HDX: variants seen among roughly 807,000 people sequenced by gnomAD.
The protein encoded by HDX is highly divergent homeobox.
A neutral mutation model predicts 45.2 loss-of-function variants in HDX; 19 were observed. That is an observed-to-expected ratio of 0.42 (90% CI 0.29 to 0.62). The LOEUF is 0.62. Ranked by LOEUF, HDX falls within the 20% of genes least tolerant of loss-of-function variation. The probability of loss-of-function intolerance (pLI) is 0.20; values close to 1 mark genes in which losing one functional copy is unlikely to be tolerated. For synonymous variants in HDX, 188 were observed against 172.8 expected, an observed-to-expected ratio of 1.09 and a Z score of -0.69; for missense variants, 532 against 493.9, an observed-to-expected ratio of 1.08 and a Z score of -0.73.
At chrX:84,498,019 A>G (rs2041043017) in intron 1 of HDX, among the ~76,000 whole-genome samples, 1 of 111,732 alleles carries the variant, frequency 8.9e-6, no homozygotes, top group South Asian at 3.7e-4. Context: ...CTCCAAGGGA[A>G]AAGAAGCTAA....
At chrX:84,475,177 A>T (rs1180600859) in intron 3 of HDX, 74 bp downstream of exon 3, 1 of 893,188 alleles carries the variant, frequency 1.1e-6, no homozygotes, top group Non-Finnish European at 1.6e-6. Context: ...TACCCTGAAT[A>T]TTTTTTCTCA....
chrX:84,468,953 G>A lies in HDX; in HGVS notation c.770C>T (p.Thr257Ile), dbSNP rs777924646. ...CACTTCACGGATTTCCAAGTTTTGT[G>A]TTCTACAGTAAGGGTCTCTAATAGT... ...KPTIRDPYCRTQNLEIREVFS... is the reference protein window; with the variant it reads ...KPTIRDPYCRIQNLEIREVFS... Residue 257 changes from threonine (T) to isoleucine (I), a missense_variant, in exon 4 of 11, where the codon ACA becomes ATA. Thr to Ile is a moderately conservative substitution (Grantham distance 89). Coordinates refer to ENST00000373177, the MANE Select transcript of HDX (RefSeq NM_001177479.2). The A allele has an allele frequency of 1.7e-6, 2 of 1,211,749 alleles. No individual in the cohort carries two copies. Among genetic ancestry groups the A allele is most frequent in the Admixed American group, 2.2e-5 (1 of 46,045 alleles).
intron 6 of HDX, among the ~76,000 whole-genome samples, chrX:84,356,185 A>G (rs1169550086): frequency 8.9e-6 from 1 of 111,893 alleles, no homozygotes; most frequent in Non-Finnish European, 1.9e-5. Flanking sequence ...TAGAATGTAT[A>G]TTAGACTTAA....
At chrX:84,467,021 T>C (rs1406788719) in intron 4 of HDX, among the ~76,000 whole-genome samples, 1 of 110,822 alleles carries the variant, frequency 9.0e-6, no homozygotes, top group Non-Finnish European at 1.9e-5. Flanking sequence ...AAAGAGTAGG[T>C]GAATGAAGGA....
chrX:84,333,786 T>A lies in HDX; in HGVS notation c.1797A>T (p.Glu599Asp), dbSNP rs775709054. The change falls in exon 9 of 11, where the codon GAA (glutamate) becomes GAT (aspartate). Residue 599 changes from glutamate (E) to aspartate (D), a missense_variant. Glu to Asp is a conservative substitution (Grantham distance 45). This residue lies in a region of HDX where 151 missense variants were observed against 131.8 expected (regional missense o/e 1.15). Transcript: ENST00000373177. ...TATAATCCAAGAAAGAGTTTACTTGTTCTACTTCAGAATTACTTATCATGT... is the reference window on the plus strand; with the variant it reads ...TATAATCCAAGAAAGAGTTTACTTGATCTACTTCAGAATTACTTATCATGT... Reference protein sequence around the residue: ...ESDMISNSEVEQVNSFLDYKN... With the variant: ...ESDMISNSEVDQVNSFLDYKN... The A allele has an allele frequency of 1.0e-6, 1 of 962,148 alleles. No individual in the cohort carries two copies. Among genetic ancestry groups the A allele is most frequent in the Admixed American group, 2.4e-5 (1 of 42,355 alleles). The allele number at this position is 962,148 out of a possible 1,213,427, so 79.3% of individuals were successfully genotyped here. A position where few individuals can be genotyped will look rare whatever the true frequency, so the allele number is the denominator to read the frequency against.
At chrX:84,408,635 T>C (rs898500959) in intron 5 of HDX, among the ~76,000 whole-genome samples, 3 of 108,205 alleles carry the variant, frequency 2.8e-5, no homozygotes, top group African/African-American at 1.0e-4. Context: ...TAGCATTCAG[T>C]CTGTGAATTT....
At chrX:84,361,674 T>C (rs1053561587) in intron 5 of HDX, 62 bp from the exon 6 acceptor site, 3 of 909,690 alleles carry the variant, frequency 3.3e-6, no homozygotes, top group Admixed American at 3.5e-5. Context: ...AAGGAAATAA[T>C]ATTATAAAGA....
chrX:84,490,747 G>A (rs1306150005), intron 1 of HDX, among the ~76,000 whole-genome samples: 2 of 108,634 alleles, frequency 1.8e-5, no homozygotes. Context: ...TAAGTTTTAG[G>A]GTACATGTGC....
intron 6 of HDX, among the ~76,000 whole-genome samples, chrX:84,354,920 C>T (rs866201514): frequency 1.1e-4 from 3 of 27,612 alleles, no homozygotes; most frequent in South Asian, 2.9e-3. Context: ...TATATATATA[C>T]ACACACACAC....
At chrX:84,482,281 C>T (rs947688436) in intron 2 of HDX, among the ~76,000 whole-genome samples, 3 of 111,482 alleles carry the variant, frequency 2.7e-5, no homozygotes, top group African/African-American at 9.8e-5. Context: ...TGAGAAATCT[C>T]CATACTGCTT....
chrX:84,327,689 T>G (rs973956474), intron 9 of HDX, among the ~76,000 whole-genome samples: 1 of 111,413 alleles, frequency 9.0e-6, no homozygotes, highest in African/African-American at 3.3e-5. Context: ...AACTGAAACT[T>G]TTAGAGGAAA....
At chrX:84,411,990 CT>C in intron 5 of HDX, among the ~76,000 whole-genome samples, 1 of 111,397 alleles carries the variant, frequency 9.0e-6, no homozygotes, top group Non-Finnish European at 1.9e-5. Flanking sequence ...TCAGCCCCCA[CT>C]TTTTTCTGTT....
intron 5 of HDX, among the ~76,000 whole-genome samples, chrX:84,412,721 A>G (rs1317541873): frequency 8.9e-6 from 1 of 111,801 alleles, no homozygotes; most frequent in African/African-American, 3.2e-5. Context: ...GGCCTCTCCA[A>G]AGAGGTTGGG....
intron 5 of HDX, among the ~76,000 whole-genome samples, chrX:84,439,308 G>A (rs191517557): frequency 2.6e-4 from 29 of 110,671 alleles, no homozygotes; most frequent in African/African-American, 9.5e-4. Context: ...TTAGACCTTT[G>A]TCAGATGCAT....
chrX:84,487,803 A>G (rs1221598579), intron 2 of HDX, among the ~76,000 whole-genome samples: 3 of 112,191 alleles, frequency 2.7e-5, no homozygotes, highest in Non-Finnish European at 3.8e-5. Flanking sequence ...TAGTTGTTCT[A>G]TTGTCACTGC....
At chrX:84,498,860 CACACAT>C (rs1255639051) in intron 1 of HDX, among the ~76,000 whole-genome samples, 3 of 75,318 alleles carry the variant, frequency 4.0e-5, no homozygotes, top group African/African-American at 1.0e-4. Flanking sequence ...CACACACACA[CACACAT>C]CTCAGATTCC....
intron 5 of HDX, among the ~76,000 whole-genome samples, chrX:84,371,282 C>T (rs1745963628): frequency 1.8e-5 from 2 of 111,778 alleles, no homozygotes; most frequent in Admixed American, 1.9e-4. Flanking sequence ...TAATTCTACC[C>T]ACCTCAGAGG....
chrX:84,413,116 A>G (rs1025342887), intron 5 of HDX, among the ~76,000 whole-genome samples: 1 of 111,304 alleles, frequency 9.0e-6, no homozygotes, highest in South Asian at 3.7e-4. Context: ...GATGATCTTC[A>G]TTTCTATCCA....
At chrX:84,493,015 C>G (rs1386852383) in intron 1 of HDX, among the ~76,000 whole-genome samples, 1 of 109,656 alleles carries the variant, frequency 9.1e-6, no homozygotes, top group East Asian at 2.9e-4. Flanking sequence ...TGGATTCAAG[C>G]AATTCTCCTG....
Sources: gnomAD v4.1 joint callset for allele counts (sites outside exome capture counted in the v4.1 genomes callset) on GRCh38, gnomAD v4.1.1 for gene constraint, gnomAD v4.1.1 regional missense constraint, MANE v1.5 for transcripts, NCBI Gene and HGNC (gene_info 2026-07-23, HGNC 2026-07-21) for gene names.